Variants in HELLS observed in about 807,000 individuals in gnomAD.
The protein encoded by HELLS is lymphoid-specific helicase.
A neutral mutation model predicts 120.0 loss-of-function variants in HELLS; 32 were observed. That is an observed-to-expected ratio of 0.27 (90% CI 0.20 to 0.36). HELLS has a LOEUF of 0.36. Ranked by LOEUF, HELLS falls within the 10% of genes least tolerant of loss-of-function variation. HELLS has a pLI of 1.00. For synonymous variants in HELLS, 341 were observed against 323.4 expected (o/e 1.05, Z -0.58); for missense variants, 650 against 993.4 (o/e 0.65, Z 4.65).
intron 13 of HELLS, 69 bp downstream of exon 13, chr10:94,588,459 T>C: frequency 8.2e-7 from 1 of 1,218,234 alleles, no homozygotes. Flanking sequence ...TCCCTTTTTT[T>C]TTGAGAGAAG....
In HELLS at chr10:94,594,863, C is replaced by T; in HGVS notation, c.2248+9C>T. ...GTTGATCATCCATAAAAGTAAATAA[C>T]ACTTATGTAGTGCTTTATTGTTTAA... On this transcript the variant is annotated intron_variant, in intron 19 of 21. Transcript: ENST00000348459. 6.3e-7 allele frequency: 1 copy of T among 1,590,194 alleles called. No homozygotes were observed. Among genetic ancestry groups the T allele is most frequent in the Admixed American group, 1.7e-5 (1 of 59,110 alleles).
chr10:94,554,656 G>GTT (rs1156596461), intron 3 of HELLS, among the ~76,000 whole-genome samples: 2 of 115,492 alleles, frequency 1.7e-5, no homozygotes, highest in Non-Finnish European at 1.9e-5. Flanking sequence ...TTTTTTTTTT[G>GTT]TTTTTTTTTT....
At chr10:94,567,957 T>C (rs1843917125) in intron 6 of HELLS, among the ~76,000 whole-genome samples, 1 of 144,612 alleles carries the variant, frequency 6.9e-6, no homozygotes, top group African/African-American at 2.7e-5. Context: ...GTCGCCAGGC[T>C]GGAATGCAGT....
At chr10:94,557,239 C>A in intron 3 of HELLS, 2 of 352,296 alleles carry the variant, frequency 5.7e-6, no homozygotes, top group South Asian at 2.1e-5. Context: ...CCCGGTGTCC[C>A]CATCACCCAC....
At chr10:94,604,211 G>GC (rs1171237709), downstream of HELLS, among the ~76,000 whole-genome samples, 4 of 148,884 alleles carry the variant, frequency 2.7e-5, no homozygotes, top group East Asian at 2.0e-4. Flanking sequence ...TGCAACATCT[G>GC]CCCCCCGGGT....
intron 3 of HELLS, among the ~76,000 whole-genome samples, chr10:94,555,820 T>C (rs1032896463): frequency 2.6e-5 from 4 of 152,084 alleles, no homozygotes; most frequent in African/African-American, 9.7e-5. Context: ...GTAGAGACAG[T>C]TTTGCCATGT....
At chr10:94,550,254 A>C (rs1842919614) in intron 2 of HELLS, among the ~76,000 whole-genome samples, 1 of 150,560 alleles carries the variant, frequency 6.6e-6, no homozygotes, top group Admixed American at 6.6e-5. Context: ...TTCCAGGAGC[A>C]CCAGGCAAGT....
chr10:94,583,072 T>C lies in HELLS; in HGVS notation c.1326+13T>C. The C allele has an allele frequency of 6.7e-7, 1 of 1,490,802 alleles. No homozygotes were observed. Among genetic ancestry groups the C allele is most frequent in the Non-Finnish European group, 9.2e-7 (1 of 1,082,460 alleles). 92.3% of individuals were successfully genotyped at this position (1,490,802 alleles called of 1,614,324 possible). On this transcript the variant is annotated intron_variant, in intron 12 of 21. Coordinates refer to ENST00000348459, the MANE Select transcript of HELLS (RefSeq NM_018063.5). ...TATGCTGCACCAGGTTTTCCATGTTTTCTTATTCTGCTTAACCATAGGCTC... is the reference window on the plus strand; with the variant it reads ...TATGCTGCACCAGGTTTTCCATGTTCTCTTATTCTGCTTAACCATAGGCTC...
chr10:94,578,216 A>C (rs1034622252), intron 10 of HELLS, among the ~76,000 whole-genome samples: 6 of 152,192 alleles, frequency 3.9e-5, no homozygotes, highest in Middle Eastern at 3.4e-3. Flanking sequence ...CCTGTGCTAC[A>C]GTGAGAGTCT....
At chr10:94,581,577 AAATT>A in intron 11 of HELLS, 55 bp downstream of exon 11, 1 of 1,317,242 alleles carries the variant, frequency 7.6e-7, no homozygotes, top group Non-Finnish European at 1.0e-6. Context: ...CTGTTAGTTA[AAATT>A]ACTTTCTTTT....
In HELLS at chr10:94,564,718, G is replaced by A. The variant is rs116417242; in HGVS notation, c.435+1842G>A. Among the ~76,000 whole-genome samples the A allele has an allele frequency of 5.1e-3, 777 of 151,878 alleles. 5 individuals are homozygous for A. Among genetic ancestry groups the A allele is most frequent in the African/African-American group, 0.018 (733 of 41,408 alleles). ...CAAGCTCCACCTCCCATATTCAAGC[G>A]ATTCTTATGTCTCAGCTTCTGAGAA... On this transcript the variant is annotated intron_variant, in intron 6 of 21. Transcript: ENST00000348459.
intron 6 of HELLS, among the ~76,000 whole-genome samples, chr10:94,564,895 A>G (rs1564586641): frequency 6.6e-6 from 1 of 152,082 alleles, no homozygotes; most frequent in Non-Finnish European, 1.5e-5. Context: ...ACTCCTGGCC[A>G]CATTCTTATA....
chr10:94,576,877 C>T, intron 10 of HELLS, 72 bp downstream of exon 10: 2 of 1,341,742 alleles, frequency 1.5e-6, no homozygotes, highest in Non-Finnish European at 1.0e-6. Flanking sequence ...CACTTTCTCA[C>T]CATCTGGGAG....
In HELLS at chr10:94,568,226, A is replaced by G. The variant is rs557152098; in HGVS notation, c.436-3162A>G. Among the ~76,000 whole-genome samples, 6 of 149,014 alleles carry G rather than the reference A, an allele frequency of 4.0e-5. No individual in the cohort carries two copies. The South Asian group carries it at 1.3e-3, about 32-fold the overall frequency. On this transcript the variant is annotated intron_variant, in intron 6 of 21. Coordinates refer to ENST00000348459, the MANE Select transcript of HELLS (RefSeq NM_018063.5). ...CCTGGCCCTTTTTTTTTTTTTTTTA[A>G]AGAGTAGCCTGTGCATATTTCCTTA...
intron 10 of HELLS, among the ~76,000 whole-genome samples, chr10:94,580,708 G>T (rs966305563): frequency 2.6e-5 from 4 of 151,930 alleles, no homozygotes; most frequent in African/African-American, 9.7e-5. Context: ...ATTTTTTAAG[G>T]ATAGTTATAT....
chr10:94,594,624 C>CTTTATCCACATGAGTTTATG, intron 18 of HELLS, 71 bp from the exon 19 acceptor site: 1 of 1,176,040 alleles, frequency 8.5e-7, no homozygotes, highest in Non-Finnish European at 1.2e-6. Context: ...TTCATGTTGA[C>CTTTATCCACATGAGTTTATG]TTTATCCACA....
In HELLS at chr10:94,553,394, A is replaced by G. The variant is rs551441181; in HGVS notation, c.154-732A>G. 6.6e-5 allele frequency among the ~76,000 whole-genome samples: 10 copies of G among 151,920 alleles called. No individual in the cohort carries two copies. The East Asian group carries it at 1.2e-3, about 18-fold the overall frequency. ...CTCCTGAGTAGCTGGGACTACAGGC[A>G]TGCGCCACCACGTCCTGCTAATTTT... On this transcript the variant is annotated intron_variant, in intron 2 of 21. Transcript: ENST00000348459.
chr10:94,565,414 C>G (rs866750824), intron 6 of HELLS, among the ~76,000 whole-genome samples: 7 of 152,170 alleles, frequency 4.6e-5, no homozygotes, highest in Non-Finnish European at 7.4e-5. Context: ...TTAGGCTGGG[C>G]GTGGTGGCTC....
intron 13 of HELLS, among the ~76,000 whole-genome samples, chr10:94,589,642 T>TTA (rs1845363917): frequency 6.6e-6 from 1 of 151,942 alleles, no homozygotes; most frequent in South Asian, 2.1e-4. Context: ...TGTGATGCAT[T>TTA]TTTAAACAAT....
Sources: allele counts gnomAD v4.1 joint callset (sites outside exome capture counted in the v4.1 genomes callset), GRCh38; gene constraint gnomAD v4.1.1; transcripts MANE v1.5; gene names NCBI Gene and HGNC (gene_info 2026-07-23, HGNC 2026-07-21).